PIP5K1B: variants seen among roughly 807,000 people sequenced by gnomAD.
PIP5K1B encodes phosphatidylinositol 4-phosphate 5-kinase type-1 beta.
In PIP5K1B, 42 loss-of-function variants were observed where a neutral mutation model predicts 67.0. The ratio of observed to expected loss-of-function variants is 0.63; its 90% CI spans 0.49 to 0.81. PIP5K1B has a LOEUF of 0.81. Among genes scored for constraint, PIP5K1B ranks in the 30% least tolerant of loss-of-function variants. The probability of loss-of-function intolerance (pLI) is 0.00; values close to 1 mark genes in which losing one functional copy is unlikely to be tolerated. For synonymous variants in PIP5K1B, 214 were observed against 231.4 expected, an observed-to-expected ratio of 0.92 and a Z score of 0.68; for missense variants, 459 against 646.3, an observed-to-expected ratio of 0.71 and a Z score of 3.14.
At chr9:68,941,935 G>A (rs1181532740) in intron 14 of PIP5K1B, among the ~76,000 whole-genome samples, 3 of 152,178 alleles carry the variant, frequency 2.0e-5, no homozygotes, top group Admixed American at 6.5e-5. Context: ...GGCCAGTCTA[G>A]GTCCAGAAAA....
chr9:68,846,621 A>G (rs1235161398), intron 4 of PIP5K1B, among the ~76,000 whole-genome samples: 3 of 152,200 alleles, frequency 2.0e-5, no homozygotes, highest in Non-Finnish European at 4.4e-5. Flanking sequence ...TGCATCGTCA[A>G]TTTGAAAGTG....
chr9:68,900,177 T>C (rs1291483558), intron 8 of PIP5K1B, among the ~76,000 whole-genome samples: 1 of 152,238 alleles, frequency 6.6e-6, no homozygotes, highest in Non-Finnish European at 1.5e-5. Flanking sequence ...TTGATGGGCA[T>C]CTAGGTTGAT....
At chr9:68,713,106 A>C (rs1827468224) in intron 1 of PIP5K1B, among the ~76,000 whole-genome samples, 1 of 152,188 alleles carries the variant, frequency 6.6e-6, no homozygotes, top group Non-Finnish European at 1.5e-5. Flanking sequence ...ATTTGTTAGA[A>C]ATGCAGATGA....
At chr9:68,974,531 A>G (rs1829543207) in intron 14 of PIP5K1B, among the ~76,000 whole-genome samples, 1 of 152,244 alleles carries the variant, frequency 6.6e-6, no homozygotes, top group Non-Finnish European at 1.5e-5. Flanking sequence ...CAGAACAAGT[A>G]TGTCTATCCC....
intron 14 of PIP5K1B, among the ~76,000 whole-genome samples, chr9:68,984,485 A>G (rs991968323): frequency 6.6e-6 from 1 of 152,256 alleles, no homozygotes; most frequent in Non-Finnish European, 1.5e-5. Context: ...TACCAAGACA[A>G]TAATAATTTC....
Position 69,008,570 on chromosome 9 carries a change from C to G in PIP5K1B, c.*121C>G. The G allele has an allele frequency of 1.1e-6, 1 of 949,750 alleles. No homozygotes were observed. The highest frequency in any genetic ancestry group is 1.8e-5 in the Admixed American group (1 of 56,674). The allele number at this position is 949,750 out of a possible 1,614,324, so 58.8% of individuals were successfully genotyped here. A position where few individuals can be genotyped will look rare whatever the true frequency, so the allele number is the denominator to read the frequency against. ...TGAGCCCCACTACACACAGAGAAATCATCAACCTGACTTAAGAGTTTTCAA... is the reference window on the plus strand; with the variant it reads ...TGAGCCCCACTACACACAGAGAAATGATCAACCTGACTTAAGAGTTTTCAA... On this transcript the variant is annotated 3_prime_UTR_variant, in exon 16 of 16. Transcript: ENST00000265382.
chr9:68,804,215 C>T (rs945340787), intron 2 of PIP5K1B, among the ~76,000 whole-genome samples: 4 of 152,092 alleles, frequency 2.6e-5, no homozygotes, highest in Admixed American at 2.0e-4. Context: ...TTCACATGCT[C>T]ATATTCTCAG....
intron 8 of PIP5K1B, among the ~76,000 whole-genome samples, chr9:68,907,758 C>A (rs909640699): frequency 6.6e-6 from 1 of 152,090 alleles, no homozygotes; most frequent in Non-Finnish European, 1.5e-5. Context: ...CAAACAGTTC[C>A]GAATTTTCTC....
chr9:68,780,432 C>G, intron 2 of PIP5K1B: 1 of 1,614,144 alleles, frequency 6.2e-7, no homozygotes, highest in Middle Eastern at 1.6e-4. Context: ...CCAGATCAAA[C>G]AAGAAGAGGG....
chr9:68,967,648 G>T (rs536512774), intron 14 of PIP5K1B, among the ~76,000 whole-genome samples: 1 of 152,180 alleles, frequency 6.6e-6, no homozygotes, highest in Non-Finnish European at 1.5e-5. Context: ...TGAGAATCCA[G>T]CAGTTCAGGG....
intron 15 of PIP5K1B, among the ~76,000 whole-genome samples, chr9:69,007,775 T>C (rs1214276325): frequency 6.6e-6 from 1 of 151,854 alleles, no homozygotes; most frequent in Non-Finnish European, 1.5e-5. Flanking sequence ...GAGAATCTCA[T>C]GTACGTGGGA....
At chr9:68,896,526 CA>C (rs1825093637) in intron 8 of PIP5K1B, among the ~76,000 whole-genome samples, 1 of 152,166 alleles carries the variant, frequency 6.6e-6, no homozygotes, top group Non-Finnish European at 1.5e-5. Flanking sequence ...TTCTAAGGAA[CA>C]TAAAGGTCAA....
At chr9:68,894,744 C>T in intron 8 of PIP5K1B, 106 bp downstream of exon 8, 1 of 1,035,146 alleles carries the variant, frequency 9.7e-7, no homozygotes, top group Non-Finnish European at 1.4e-6. Flanking sequence ...AAGTGGCAGA[C>T]ATGTGGAATC....
chr9:68,885,714 C>T (rs1824433430), intron 6 of PIP5K1B, among the ~76,000 whole-genome samples: 1 of 152,096 alleles, frequency 6.6e-6, no homozygotes, highest in Non-Finnish European at 1.5e-5. Context: ...TGGGGAATGA[C>T]AAACTGCCTA....
At chr9:68,925,290 A>AG (rs1196567341) in intron 12 of PIP5K1B, among the ~76,000 whole-genome samples, 2 of 152,190 alleles carry the variant, frequency 1.3e-5, no homozygotes, top group African/African-American at 4.8e-5. Context: ...AAGGGGTACT[A>AG]GGGTAATAAA....
chr9:68,980,478 C>A (rs1829842470), intron 14 of PIP5K1B, among the ~76,000 whole-genome samples: 1 of 152,174 alleles, frequency 6.6e-6, no homozygotes, highest in Non-Finnish European at 1.5e-5. Context: ...ATAAATCTGT[C>A]TATGCAAGCA....
At chr9:68,810,160 G>T (rs1182865109) in intron 2 of PIP5K1B, among the ~76,000 whole-genome samples, 1 of 152,222 alleles carries the variant, frequency 6.6e-6, no homozygotes, top group Non-Finnish European at 1.5e-5. Flanking sequence ...AGCCTGAATG[G>T]CATGAAAATA....
At chr9:68,829,348 G>A (rs1834161521) in intron 4 of PIP5K1B, among the ~76,000 whole-genome samples, 1 of 152,198 alleles carries the variant, frequency 6.6e-6, no homozygotes, top group Non-Finnish European at 1.5e-5. Context: ...CTGGTCTCTA[G>A]GATGAATGAC....
At chr9:68,886,053 G>A (rs1281358884) in intron 6 of PIP5K1B, among the ~76,000 whole-genome samples, 28 of 151,990 alleles carry the variant, frequency 1.8e-4, no homozygotes, top group Admixed American at 1.7e-3. Context: ...TGTAGTGGGC[G>A]CCTGTATCCC....
Sources: gnomAD v4.1 joint callset for allele counts (sites outside exome capture counted in the v4.1 genomes callset) on GRCh38, gnomAD v4.1.1 for gene constraint, MANE v1.5 for transcripts, NCBI Gene and HGNC (gene_info 2026-07-23, HGNC 2026-07-21) for gene names.